MADD: variants seen among roughly 807,000 people sequenced by gnomAD.
The protein encoded by MADD is MAP kinase-activating death domain protein.
MADD carries 109 observed loss-of-function variants against 176.7 expected under a neutral mutation model. That is an observed-to-expected ratio of 0.62 (90% CI 0.53 to 0.72). MADD has a LOEUF of 0.72. MADD is among the 30% of genes least tolerant of loss of function. MADD has a pLI of 0.00. For synonymous variants in MADD, 771 were observed against 771.3 expected (o/e 1.00, Z 0.01); for missense variants, 1,914 against 2,045.5 (o/e 0.94, Z 1.24).
At chr11:47,279,153 A>G in intron 7 of MADD, 74 bp downstream of exon 7, 1 of 1,414,280 alleles carries the variant, frequency 7.1e-7, no homozygotes, top group Non-Finnish European at 9.9e-7. Context: ...AGCTATTCTC[A>G]GAGCCAATTT....
chr11:47,296,271 T>C (rs1361304887), intron 22 of MADD, among the ~76,000 whole-genome samples: 1 of 152,188 alleles, frequency 6.6e-6, no homozygotes, highest in African/African-American at 2.4e-5. Flanking sequence ...TCCTGAATCA[T>C]TGATGAGTTA....
chr11:47,308,727 G>C (rs1467554734), intron 23 of MADD, 28 bp downstream of exon 25: 1 of 1,581,814 alleles, frequency 6.3e-7, no homozygotes, highest in African/African-American at 1.3e-5. Flanking sequence ...AAGGCCCTTT[G>C]CACTGGAGAA....
chr11:47,292,790 TC>T (rs2066525147), intron 19 of MADD, among the ~76,000 whole-genome samples, 194 bp downstream of exon 21: 1 of 152,102 alleles, frequency 6.6e-6, no homozygotes, highest in South Asian at 2.1e-4. Flanking sequence ...CTCGTGTCAA[TC>T]AGGCTATAAC....
chr11:47,313,806 C>G (rs933366532), intron 26 of MADD, among the ~76,000 whole-genome samples: 6 of 151,928 alleles, frequency 3.9e-5, no homozygotes, highest in African/African-American at 1.5e-4. Flanking sequence ...GTCACCCGGG[C>G]TGGAGTGCAG....
upstream of MADD, chr11:47,269,319 C>T (rs1958180418): frequency 6.6e-6 from 1 of 152,328 alleles, no homozygotes; most frequent in Non-Finnish European, 1.5e-5. Context: ...GCCCCCTTCC[C>T]CTGCTGGGAT....
At chr11:47,284,663 A>C (rs1358095741) in intron 12 of MADD, 98 bp downstream of exon 12, 3 of 1,450,114 alleles carry the variant, frequency 2.1e-6, no homozygotes, top group Non-Finnish European at 2.8e-6. Flanking sequence ...GCTGCTTCTC[A>C]CACAATTTTC....
At chr11:47,286,291 T>A (rs1231614059) in intron 14 of MADD, 142 bp from the exon 15 acceptor site, 6 of 684,098 alleles carry the variant, frequency 8.8e-6, no homozygotes, top group Non-Finnish European at 1.6e-5. Context: ...TGATCCTTTC[T>A]AAGACAGATC....
At chr11:47,305,526 T>C (rs544566379) in intron 22 of MADD, among the ~76,000 whole-genome samples, 46 of 152,228 alleles carry the variant, frequency 3.0e-4, no homozygotes, top group African/African-American at 1.0e-3. Flanking sequence ...TTCAGGGATC[T>C]GAGCCAATAG....
At chr11:47,299,623 A>ACCTCCCG (rs141473774) in intron 22 of MADD, among the ~76,000 whole-genome samples, 1 of 91,604 alleles carries the variant, frequency 1.1e-5, no homozygotes. Context: ...AGATGGAACC[A>ACCTCCCG]GGCTCAAGCA....
At chr11:47,296,662 C>T (rs1470520417) in intron 22 of MADD, among the ~76,000 whole-genome samples, 1 of 151,680 alleles carries the variant, frequency 6.6e-6, no homozygotes, top group East Asian at 1.9e-4. Flanking sequence ...GGGAACAATG[C>T]CTTAGGAAAA....
chr11:47,290,391 C>T, intron 18 of MADD, 92 bp downstream of exon 19: 1 of 1,493,114 alleles, frequency 6.7e-7, no homozygotes, highest in Non-Finnish European at 9.1e-7. Context: ...GACACGTTTC[C>T]CAGTGCCACG....
chr11:47,295,463 C>A, intron 20 of MADD, 33 bp from the exon 23 acceptor site: 1 of 1,534,668 alleles, frequency 6.5e-7, no homozygotes, highest in Non-Finnish European at 9.0e-7. Flanking sequence ...GGAGATTGGA[C>A]ACCTCCCCTA....
chr11:47,312,233 A>G (rs1230678315), intron 26 of MADD, among the ~76,000 whole-genome samples: 2 of 151,988 alleles, frequency 1.3e-5, no homozygotes, highest in Non-Finnish European at 2.9e-5. Flanking sequence ...ATATACTCTC[A>G]GTTTTTCGTT....
At chr11:47,327,192 G>T in intron 31 of MADD, 1 of 1,007,318 alleles carries the variant, frequency 9.9e-7, no homozygotes, top group South Asian at 4.3e-5. Context: ...AGCCCAGTGC[G>T]CTAGCCAGCC....
chr11:47,326,864 G>A (rs1454084547), intron 31 of MADD, 57 bp downstream of exon 35: 30 of 1,609,416 alleles, frequency 1.9e-5, no homozygotes, highest in South Asian at 7.8e-5. Flanking sequence ...CTCAAACCTC[G>A]GAGCTCCAGA....
At chr11:47,304,285 C>CCT (rs2080700819) in intron 22 of MADD, among the ~76,000 whole-genome samples, 1 of 150,592 alleles carries the variant, frequency 6.6e-6, no homozygotes, top group Non-Finnish European at 1.5e-5. Flanking sequence ...GGCTGGAATG[C>CCT]AATGGCACTA....
chr11:47,295,395 C>A, intron 20 of MADD, 101 bp from the exon 23 acceptor site: 1 of 907,294 alleles, frequency 1.1e-6, no homozygotes, highest in Non-Finnish European at 1.8e-6. Flanking sequence ...AGGATGATAA[C>A]AGAAGGGTGG....
chr11:47,272,582 G>A (rs2045671257), intron 1 of MADD, among the ~76,000 whole-genome samples: 1 of 152,158 alleles, frequency 6.6e-6, no homozygotes, highest in African/African-American at 2.4e-5. Context: ...AGAAATATGA[G>A]AAAAGAACTT....
At chr11:47,269,489 G>C (rs1476917276), upstream of MADD, 1 of 152,326 alleles carries the variant, frequency 6.6e-6, no homozygotes, top group Non-Finnish European at 1.5e-5. Flanking sequence ...CCCAGTGTCG[G>C]TCCCCAGGCC....
Sources: allele counts gnomAD v4.1 joint callset (sites outside exome capture counted in the v4.1 genomes callset), GRCh38; gene constraint gnomAD v4.1.1; transcripts MANE v1.5; gene names NCBI Gene and HGNC (gene_info 2026-07-23, HGNC 2026-07-21).